NAA30: variants seen among roughly 807,000 people sequenced by gnomAD.
NAA30 encodes the protein N-alpha-acetyltransferase 30, NatC catalytic subunit.
In NAA30, 5 loss-of-function variants were observed where a neutral mutation model predicts 31.4. That is an observed-to-expected ratio of 0.16 (90% CI 0.08 to 0.33). The LOEUF is 0.33. Ranked by LOEUF, NAA30 falls within the 10% of genes least tolerant of loss-of-function variation. The pLI is 1.00. For synonymous variants in NAA30, 222 were observed against 207.1 expected (o/e 1.07, Z -0.62); for missense variants, 428 against 490.8 (o/e 0.87, Z 1.21).
chr14:57,410,946 A>G lies in NAA30; in HGVS notation c.*1430A>G, dbSNP rs2066520019. 1 of 152,108 alleles carries G rather than the reference A, an allele frequency of 6.6e-6. No homozygotes were observed. Among genetic ancestry groups the G allele is most frequent in the Non-Finnish European group, 1.5e-5 (1 of 67,914 alleles). The allele number at this position is 152,108 out of a possible 1,614,324, so 9.4% of individuals were successfully genotyped here. A position where few individuals can be genotyped will look rare whatever the true frequency, so the allele number is the denominator to read the frequency against. ...TGTTGTTTTCATTTGAATATGCTCT[A>G]CTTCTGCTCTAGTATTTGGTTTGGA... On this transcript the variant is annotated 3_prime_UTR_variant, in exon 5 of 5. Coordinates refer to ENST00000556492, the MANE Select transcript of NAA30 (RefSeq NM_001011713.3).
chr14:57,395,168 A>C (rs1221080032), intron 2 of NAA30, among the ~76,000 whole-genome samples: 3 of 152,198 alleles, frequency 2.0e-5, no homozygotes, highest in African/African-American at 7.2e-5. Context: ...TTATTGACCC[A>C]AAATAGTTTT....
At chr14:57,396,186 G>A (rs556268912) in intron 2 of NAA30, among the ~76,000 whole-genome samples, 12 of 152,160 alleles carry the variant, frequency 7.9e-5, no homozygotes, top group African/African-American at 2.7e-4. Flanking sequence ...TGTTGCCCAC[G>A]CTGATCTCAA....
intron 2 of NAA30, among the ~76,000 whole-genome samples, chr14:57,396,518 TAGTA>T (rs1343130450): frequency 6.6e-6 from 1 of 152,166 alleles, no homozygotes; most frequent in Admixed American, 6.5e-5. Context: ...TAGGCTTTAA[TAGTA>T]AGCATAAAAA....
chr14:57,408,066 A>G (rs1004456489), intron 4 of NAA30, among the ~76,000 whole-genome samples: 2 of 152,130 alleles, frequency 1.3e-5, no homozygotes, highest in African/African-American at 2.4e-5. Flanking sequence ...TATGAGTTCA[A>G]TTTTGGATAT....
Position 57,411,508 on chromosome 14 carries a change from T to C in NAA30, c.*1992T>C, listed in dbSNP as rs929714094. ...ATGAACATATATTTGCTTAAATCAC[T>C]AATAGGGATGGTTGTAAAGTAGATA... On this transcript the variant is annotated 3_prime_UTR_variant, in exon 5 of 5. Coordinates refer to ENST00000556492, the MANE Select transcript of NAA30 (RefSeq NM_001011713.3). The C allele has an allele frequency of 1.3e-5, 2 of 152,196 alleles. No homozygotes were observed. Among genetic ancestry groups the C allele is most frequent in the African/African-American group, 4.8e-5 (2 of 41,464 alleles). The allele number at this position is 152,196 out of a possible 1,614,324, so 9.4% of individuals were successfully genotyped here.
chr14:57,402,545 G>A (rs867016818), intron 4 of NAA30, among the ~76,000 whole-genome samples: 9 of 151,968 alleles, frequency 5.9e-5, no homozygotes, highest in African/African-American at 2.2e-4. Context: ...CTTTCTGTGT[G>A]CTTTCTAAAA....
At position 57,390,984 on chromosome 14, in the gene NAA30, C is replaced by G; in HGVS notation, c.27C>G (p.Ser9Arg). ...TGGCGGAGGTACCGCCTGGGCCTAGCAGCCTCCTCCCACCACCAGCACCTC... is the reference window on the plus strand; with the variant it reads ...TGGCGGAGGTACCGCCTGGGCCTAGGAGCCTCCTCCCACCACCAGCACCTC... MAEVPPGP[S>R]SLLPPPAPPA... Residue 9 changes from serine to arginine, a missense_variant, in exon 2 of 5, where the codon AGC (serine) becomes AGG (arginine). By Grantham distance (110) the Ser-to-Arg change is moderately radical. Around this residue, in one of 2 missense-constraint regions of NAA30, gnomAD observed 349 missense variants for 310.4 expected, o/e 1.12. Transcript: ENST00000556492. 2 of 1,492,682 alleles carry G rather than the reference C, an allele frequency of 1.3e-6. No homozygotes were observed. The highest frequency in any genetic ancestry group is 1.8e-6 in the Non-Finnish European group (2 of 1,128,766). The allele number at this position is 1,492,682 out of a possible 1,614,324, so 92.5% of individuals were successfully genotyped here.
chr14:57,405,421 G>GTA (rs57769501), intron 4 of NAA30, among the ~76,000 whole-genome samples: 103,117 of 149,060 alleles, frequency 0.69, 38,615 homozygotes, highest in South Asian at 0.84. Context: ...ATATATATGT[G>GTA]TATATATATA....
rs894142176 is a variant in NAA30, at chr14:57,410,751, A to G, written c.*1235A>G. On this transcript the variant is annotated 3_prime_UTR_variant, in exon 5 of 5. Transcript: ENST00000556492. Reference sequence around the variant, plus strand: ...TCTGTGGGTTTTCTTAACAGCCACCATGTTTATTAGTTACATTGTGTTTTG... The same window carrying G: ...TCTGTGGGTTTTCTTAACAGCCACCGTGTTTATTAGTTACATTGTGTTTTG... The G allele has an allele frequency of 6.6e-6, 1 of 152,488 alleles. No individual in the cohort carries two copies. The highest frequency in any genetic ancestry group is 1.5e-5 in the Non-Finnish European group (1 of 67,978). The allele number at this position is 152,488 out of a possible 1,614,324, so 9.4% of individuals were successfully genotyped here. A position where few individuals can be genotyped will look rare whatever the true frequency, so the allele number is the denominator to read the frequency against.
chr14:57,398,220 C>T (rs2066459493), intron 3 of NAA30, among the ~76,000 whole-genome samples: 1 of 152,116 alleles, frequency 6.6e-6, no homozygotes, highest in East Asian at 1.9e-4. Flanking sequence ...TGCAGTGTTA[C>T]AGCTTTCCAC....
At chr14:57,408,103 G>A (rs1465571097) in intron 4 of NAA30, among the ~76,000 whole-genome samples, 1 of 152,132 alleles carries the variant, frequency 6.6e-6, no homozygotes, top group African/African-American at 2.4e-5. Flanking sequence ...TTTATTATTT[G>A]CATCAGTTGT....
chr14:57,403,177 A>G (rs988003432), intron 4 of NAA30, among the ~76,000 whole-genome samples: 1 of 151,944 alleles, frequency 6.6e-6, no homozygotes, highest in African/African-American at 2.4e-5. Flanking sequence ...TGAGACTCTC[A>G]TAAAGAAAGA....
chr14:57,397,026 G>T, intron 3 of NAA30, 151 bp downstream of exon 3: 5 of 813,128 alleles, frequency 6.1e-6, no homozygotes, highest in Non-Finnish European at 9.0e-6. Flanking sequence ...TTTCAAAATG[G>T]TATTTTTAAA....
intron 3 of NAA30, 113 bp from the exon 4 acceptor site, chr14:57,399,715 T>G (rs2066466184): frequency 1.4e-6 from 1 of 707,838 alleles, no homozygotes; most frequent in East Asian, 2.7e-5. Context: ...TCCGTGTATC[T>G]GGATTCAAGA....
At chr14:57,403,005 A>AC (rs1371919718) in intron 4 of NAA30, among the ~76,000 whole-genome samples, 1 of 152,228 alleles carries the variant, frequency 6.6e-6, no homozygotes, top group East Asian at 1.9e-4. Flanking sequence ...ACATGGTGAA[A>AC]CCCCGTCTCT....
chr14:57,395,063 G>A lies in NAA30; in HGVS notation c.772-1689G>A, dbSNP rs548959223. On this transcript the variant is annotated intron_variant, in intron 2 of 4. Transcript: ENST00000556492. ...AAAAGCTTTCAGAGTTGGTCGAGGC[G>A]ATTTTTGTGCATACTTCAGGTCTTT... Among the ~76,000 whole-genome samples the A allele has an allele frequency of 5.3e-5, 8 of 152,270 alleles. No homozygotes were observed. In the East Asian group the frequency reaches 7.7e-4, roughly 15 times the overall value.
rs1293520301 is a variant in NAA30 at position 57,390,702 on chromosome 14, C to T, written c.-5C>T. 2 of 392,600 alleles carry T rather than the reference C, an allele frequency of 5.1e-6. No individual in the cohort carries two copies. The highest frequency in any genetic ancestry group is 3.7e-5 in the East Asian group (1 of 26,706). 24.3% of individuals were successfully genotyped at this position (392,600 alleles called of 1,614,324 possible). On this transcript the variant is annotated 5_prime_UTR_variant, in exon 1 of 5. Transcript: ENST00000556492. The stretch of plus-strand genomic sequence containing the variant: ...GCGGCAGCGGCGGCGGGGACCCGTG[C>T]GGGGTGAGCCGTGAGGAGGGGCCGC...
At chr14:57,399,314 A>G (rs1278769859) in intron 3 of NAA30, among the ~76,000 whole-genome samples, 6 of 152,232 alleles carry the variant, frequency 3.9e-5, no homozygotes, top group African/African-American at 1.2e-4. Flanking sequence ...TGGGAGTGCC[A>G]GACTTGCCAG....
intron 3 of NAA30, 140 bp downstream of exon 3, chr14:57,397,015 AT>A (rs2066453542): frequency 5.1e-6 from 4 of 790,242 alleles, no homozygotes; most frequent in Non-Finnish European, 7.4e-6. Context: ...TTAATTTTTA[AT>A]TTCAAAATGG....
Sources: gnomAD v4.1 joint callset for allele counts (sites outside exome capture counted in the v4.1 genomes callset) on GRCh38, gnomAD v4.1.1 for gene constraint, gnomAD v4.1.1 regional missense constraint, MANE v1.5 for transcripts, NCBI Gene and HGNC (gene_info 2026-07-23, HGNC 2026-07-21) for gene names.